PTK2: variants seen among roughly 807,000 people sequenced by gnomAD.
The protein encoded by PTK2 is focal adhesion kinase 1.
Under a neutral mutation model 150.1 loss-of-function variants are expected in PTK2, and 45 were observed. The observed-to-expected ratio is 0.30, with a 90% CI of 0.24 to 0.38. PTK2 has a LOEUF of 0.38. Among genes scored for constraint, PTK2 ranks in the 10% least tolerant of loss-of-function variants. The pLI is 1.00. For missense variants in PTK2, 919 were observed against 1,307.3 expected (o/e 0.70, Z 4.58); for synonymous variants, 432 against 449.2 (o/e 0.96, Z 0.48).
At chr8:140,881,444 C>A (rs2100148997) in intron 3 of PTK2, among the ~76,000 whole-genome samples, 1 of 152,064 alleles carries the variant, frequency 6.6e-6, no homozygotes, top group South Asian at 2.1e-4. Context: ...CCAGCTCTGC[C>A]AGATCAACAC....
At chr8:140,746,953 C>T in intron 17 of PTK2, 93 bp from the exon 21 acceptor site, 1 of 806,594 alleles carries the variant, frequency 1.2e-6, no homozygotes, top group Non-Finnish European at 1.9e-6. Context: ...TGCAGTGGTA[C>T]AATCTCGACT....
At chr8:140,917,862 G>A (rs1162176656) in intron 2 of PTK2, among the ~76,000 whole-genome samples, 2 of 152,098 alleles carry the variant, frequency 1.3e-5, no homozygotes, top group Non-Finnish European at 1.5e-5. Context: ...ATATAGGAGG[G>A]GACACTAGAG....
At chr8:140,727,238 G>A (rs931651436) in intron 22 of PTK2, among the ~76,000 whole-genome samples, 5 of 152,064 alleles carry the variant, frequency 3.3e-5, no homozygotes, top group African/African-American at 1.2e-4. Flanking sequence ...ACCAAAAAGG[G>A]GTAAGAATTA....
intron 27 of PTK2, among the ~76,000 whole-genome samples, chr8:140,677,689 A>C (rs1440394736): frequency 1.3e-5 from 2 of 152,252 alleles, no homozygotes; most frequent in Non-Finnish European, 2.9e-5. Context: ...TGTTTTCAAC[A>C]TGTCATTTAA....
chr8:140,824,506 C>T (rs1353718507), intron 8 of PTK2, among the ~76,000 whole-genome samples: 1 of 152,190 alleles, frequency 6.6e-6, no homozygotes, highest in African/African-American at 2.4e-5. Flanking sequence ...CTGTTGGCGC[C>T]TTTGGCAGGA....
intron 3 of PTK2, 173 bp downstream of exon 3, chr8:140,890,370 C>A (rs928452960): frequency 3.9e-6 from 2 of 515,314 alleles, no homozygotes; most frequent in South Asian, 3.7e-5. Flanking sequence ...ACAATTAGAA[C>A]GCTGGTCAGT....
At chr8:140,779,842 A>G (rs534282062) in intron 14 of PTK2, among the ~76,000 whole-genome samples, 1 of 152,200 alleles carries the variant, frequency 6.6e-6, no homozygotes, top group South Asian at 2.1e-4. Flanking sequence ...TCTCAATTCT[A>G]TTCTTCTCCT....
At chr8:140,846,357 T>G in intron 6 of PTK2, 35 bp from the exon 7 acceptor site, 1 of 1,586,698 alleles carries the variant, frequency 6.3e-7, no homozygotes, top group Non-Finnish European at 8.6e-7. Flanking sequence ...TATATGTATA[T>G]ATAAGGAATG....
At chr8:140,712,191 A>G (rs1451412147) in intron 23 of PTK2, among the ~76,000 whole-genome samples, 2 of 151,990 alleles carry the variant, frequency 1.3e-5, no homozygotes, top group East Asian at 3.9e-4. Context: ...AGCTCATCAC[A>G]TACTAAAAAA....
chr8:140,932,294 A>G (rs2100172111), intron 1 of PTK2, among the ~76,000 whole-genome samples: 1 of 152,080 alleles, frequency 6.6e-6, no homozygotes, highest in South Asian at 2.1e-4. Context: ...GGCTCACTGC[A>G]ACCACCACCT....
intron 14 of PTK2, among the ~76,000 whole-genome samples, chr8:140,778,138 A>G (rs921193612): frequency 1.3e-5 from 2 of 152,226 alleles, no homozygotes; most frequent in African/African-American, 4.8e-5. Flanking sequence ...ATTCCTGACC[A>G]GGTAACAAGT....
intron 2 of PTK2, among the ~76,000 whole-genome samples, chr8:140,907,144 A>G (rs1032804603): frequency 2.6e-5 from 4 of 152,220 alleles, no homozygotes; most frequent in Admixed American, 6.5e-5. Flanking sequence ...GAAAAAATTT[A>G]TATTAGACAT....
intron 26 of PTK2, among the ~76,000 whole-genome samples, chr8:140,689,739 G>C (rs185808137): frequency 6.6e-6 from 1 of 152,174 alleles, no homozygotes; most frequent in Non-Finnish European, 1.5e-5. Flanking sequence ...AACAACTGGA[G>C]ACTCTAGGTA....
chr8:140,952,618 T>C (rs1473749998), intron 1 of PTK2, among the ~76,000 whole-genome samples: 1 of 152,178 alleles, frequency 6.6e-6, no homozygotes, highest in African/African-American at 2.4e-5. Flanking sequence ...AAAGTCAAAT[T>C]CAATACAGCT....
chr8:140,830,591 C>T (rs998617687), intron 7 of PTK2, 65 bp from the exon 8 acceptor site: 1 of 969,176 alleles, frequency 1.0e-6, no homozygotes, highest in Non-Finnish European at 1.5e-6. Flanking sequence ...GACAAACTTG[C>T]AAGAACATAA....
chr8:140,764,318 AAGAGG>A, intron 14 of PTK2, 28 bp from the exon 17 acceptor site: 1 of 1,563,760 alleles, frequency 6.4e-7, no homozygotes, highest in Non-Finnish European at 8.8e-7. Flanking sequence ...GATATGTTGA[AAGAGG>A]TTAAACATCT....
chr8:140,791,840 G>A (rs955816795), intron 13 of PTK2, among the ~76,000 whole-genome samples: 3 of 152,188 alleles, frequency 2.0e-5, no homozygotes, highest in South Asian at 2.1e-4. Context: ...TTGAAAAAAA[G>A]GTAAATGTAC....
chr8:140,913,297 CTTTT>C (rs59811549), intron 2 of PTK2, among the ~76,000 whole-genome samples: 22 of 130,170 alleles, frequency 1.7e-4, no homozygotes, highest in Admixed American at 3.8e-4. Flanking sequence ...TAAAATTAAA[CTTTT>C]TTTTTTTTTT....
intron 1 of PTK2, among the ~76,000 whole-genome samples, chr8:140,976,140 A>G (rs563648222): frequency 8.3e-4 from 126 of 152,350 alleles, no homozygotes; most frequent in African/African-American, 2.8e-3. Flanking sequence ...CTAACTTGCC[A>G]AAAGTCACAT....
Sources: allele counts gnomAD v4.1 joint callset (sites outside exome capture counted in the v4.1 genomes callset), GRCh38; gene constraint gnomAD v4.1.1; transcripts MANE v1.5; gene names NCBI Gene and HGNC (gene_info 2026-07-23, HGNC 2026-07-21).